ITGA10: variants seen among roughly 807,000 people sequenced by gnomAD.
ITGA10 encodes the protein integrin alpha-10.
A neutral mutation model predicts 145.2 loss-of-function variants in ITGA10; 105 were observed. The ratio of observed to expected loss-of-function variants is 0.72; its 90% CI spans 0.62 to 0.85. ITGA10 has a LOEUF of 0.85. Ranked by LOEUF, ITGA10 falls within the 40% of genes least tolerant of loss-of-function variation. The probability of loss-of-function intolerance (pLI) is 0.00; values close to 1 mark genes in which losing one functional copy is unlikely to be tolerated. For synonymous variants in ITGA10, 506 were observed against 557.8 expected, an observed-to-expected ratio of 0.91 and a Z score of 1.31; for missense variants, 1,317 against 1,444.5, an observed-to-expected ratio of 0.91 and a Z score of 1.43.
chr1:145,900,998 TGGA>T lies in ITGA10; in HGVS notation c.1588-8_1588-6del. 6.2e-7 allele frequency: 1 copy of T among 1,613,964 alleles called. No homozygotes were observed. Among genetic ancestry groups the T allele is most frequent in the Non-Finnish European group, 8.5e-7 (1 of 1,179,976 alleles). The stretch of plus-strand genomic sequence containing the variant: ...TTGGAGGGTCAGCAAGGACTGCTGG[TGGA>T]GGAGAGAAGATAGAAGATGCTAATC... On this transcript the variant is annotated splice_polypyrimidine_tract_variant and splice_region_variant and intron_variant, in intron 13 of 29. Coordinates refer to ENST00000369304, the MANE Select transcript of ITGA10 (RefSeq NM_003637.5).
At position 145,898,977 on chromosome 1, in the gene ITGA10, C is replaced by T; in HGVS notation, c.2191G>A (p.Val731Met). ...RLSPRRLRLS[V>M]GNVTCEQLHF... ...AGCTGCTCACAAGTGACATTCCCCA[C>T]ACTGAGCCGGAGCCTCCGAGGGGAC... Residue 731 changes from valine (V) to methionine (M), a missense_variant, in exon 17 of 30, where the codon GTG (valine) becomes ATG (methionine). Physicochemically the swap from Val to Met is conservative, Grantham distance 21. Transcript: ENST00000369304. The T allele has an allele frequency of 1.9e-6, 3 of 1,614,208 alleles. No individual in the cohort carries two copies. The highest frequency in any genetic ancestry group is 2.5e-6 in the Non-Finnish European group (3 of 1,180,042).
intron 22 of ITGA10, 32 bp downstream of exon 22, chr1:145,896,979 G>C (rs1382682939): frequency 1.3e-6 from 2 of 1,588,320 alleles, no homozygotes; most frequent in Non-Finnish European, 1.7e-6. Flanking sequence ...AGTAGGAGGA[G>C]AGGTCTGGAA....
chr1:145,898,908 T>C, intron 17 of ITGA10, 28 bp downstream of exon 17: 4 of 1,600,978 alleles, frequency 2.5e-6, no homozygotes, highest in Non-Finnish European at 3.4e-6. Flanking sequence ...CAGGCCCTGA[T>C]GCTAAGCAGT....
At chr1:145,907,244 C>T (rs1401450695) in intron 2 of ITGA10, 94 bp from the exon 3 acceptor site, 1 of 1,588,334 alleles carries the variant, frequency 6.3e-7, no homozygotes. Context: ...AAGTTTAGAG[C>T]CCCAGCCACT....
At chr1:145,907,685 T>C (rs1341215582) in intron 1 of ITGA10, 1 of 725,774 alleles carries the variant, frequency 1.4e-6, no homozygotes, top group Admixed American at 6.3e-5. Flanking sequence ...CCCTCTGCCA[T>C]GCTGATGTAC....
chr1:145,903,268 T>G (rs1273582934), intron 7 of ITGA10, among the ~76,000 whole-genome samples: 3 of 152,058 alleles, frequency 2.0e-5, no homozygotes, highest in Non-Finnish European at 4.4e-5. Context: ...GGAGGGGAAA[T>G]ATCGATGAAA....
chr1:145,904,818 G>A lies in ITGA10; in HGVS notation c.482-7C>T, dbSNP rs1553750557. 1 of 1,613,418 alleles carries A rather than the reference G, an allele frequency of 6.2e-7. No homozygotes were observed. Among genetic ancestry groups the A allele is most frequent in the East Asian group, 2.2e-5 (1 of 44,888 alleles). Reference sequence around the variant, plus strand: ...TCCATGTATGTTGGGCAGCCTAGAAGGAAGGAGAACACTGAGGTAGAGGAC... The same window carrying A: ...TCCATGTATGTTGGGCAGCCTAGAAAGAAGGAGAACACTGAGGTAGAGGAC... On this transcript the variant is annotated splice_polypyrimidine_tract_variant and splice_region_variant and intron_variant, in intron 5 of 29. Transcript: ENST00000369304.
chr1:145,894,587 T>C (rs1347714287), intron 27 of ITGA10, among the ~76,000 whole-genome samples: 1 of 152,208 alleles, frequency 6.6e-6, no homozygotes, highest in African/African-American at 2.4e-5. Flanking sequence ...AAGCACAACA[T>C]TGACCTTAGT....
chr1:145,893,601 A>G lies in ITGA10; in HGVS notation c.3263T>C (p.Phe1088Ser), dbSNP rs1553743960. The change falls in exon 28 of 30, where the codon TTT becomes TCT. Residue 1088 changes from phenylalanine to serine, a missense_variant. Coordinates refer to ENST00000369304, the MANE Select transcript of ITGA10 (RefSeq NM_003637.5). ...KFKSLTVVST[F>S]ELGTEEGSVL... ...ACTGCCCTCTTCGGTTCCCAGCTCA[A>G]AGGTGCTGACCACCGTCAGGGACTT... is the stretch of plus-strand genomic sequence containing the variant. 6.2e-7 allele frequency: 1 copy of G among 1,613,430 alleles called. No individual in the cohort carries two copies. The highest frequency in any genetic ancestry group is 2.2e-5 in the East Asian group (1 of 44,872).
chr1:145,898,983 G>A lies in ITGA10; in HGVS notation c.2185C>T (p.Leu729Phe), dbSNP rs1553746544. ...GQRLSPRRLR[L>F]SVGNVTCEQL... ...TCACAAGTGACATTCCCCACACTGA[G>A]CCGGAGCCTCCGAGGGGACAACCTC... The change falls in exon 17 of 30, where the codon CTC becomes TTC. Residue 729 changes from leucine to phenylalanine, a missense_variant. Physicochemically the swap from Leu to Phe is conservative, Grantham distance 22 (BLOSUM62 0). Transcript: ENST00000369304. 3.1e-6 allele frequency: 5 copies of A among 1,614,210 alleles called. No homozygotes were observed. The highest frequency in any genetic ancestry group is 4.2e-6 in the Non-Finnish European group (5 of 1,180,036).
In ITGA10 at chr1:145,896,718, G is replaced by A. The variant is rs782749181; in HGVS notation, c.2834+51C>T. 50 of 1,411,856 alleles carry A rather than the reference G, an allele frequency of 3.5e-5. No individual in the cohort carries two copies. The East Asian group carries it at 1.1e-3, about 32-fold the overall frequency. 87.5% of individuals were successfully genotyped at this position (1,411,856 alleles called of 1,614,324 possible). The stretch of plus-strand genomic sequence containing the variant: ...ATGGAAGGGGAGGGAAGCAGCATAA[G>A]GGTATGAGTCTGAGGTCAGAACTGG... On this transcript the variant is annotated intron_variant, in intron 23 of 29. Transcript: ENST00000369304.
Position 145,902,943 on chromosome 1 carries a change from C to T in ITGA10, c.777G>A (p.Gln259=). The T allele has an allele frequency of 6.2e-7, 1 of 1,606,324 alleles. No homozygotes were observed. The highest frequency in any genetic ancestry group is 8.5e-7 in the Non-Finnish European group (1 of 1,176,692). ...IMVACTEGFS[Q]SHGGRPEAAR... is the part of the protein sequence containing the mutation. ...CAGCCTCGGGTCGGCCCCCATGGGACTGACTGAACCCTTCTGTGCTGAGAA... is the reference window on the plus strand; with the variant it reads ...CAGCCTCGGGTCGGCCCCCATGGGATTGACTGAACCCTTCTGTGCTGAGAA... Residue 259 remains glutamine (Q), a synonymous_variant, in exon 8 of 30, where the codon CAG becomes CAA. Transcript: ENST00000369304.
At chr1:145,896,944 C>G in intron 22 of ITGA10, 67 bp downstream of exon 22, 1 of 1,546,664 alleles carries the variant, frequency 6.5e-7, no homozygotes, top group Non-Finnish European at 8.9e-7. Context: ...AATGTTGTTC[C>G]TCCCCACCCC....
intron 25 of ITGA10, 97 bp downstream of exon 25, chr1:145,895,886 A>G: frequency 9.3e-7 from 1 of 1,074,276 alleles, no homozygotes; most frequent in Non-Finnish European, 1.4e-6. Flanking sequence ...CCCCAAGAGC[A>G]GAGGCCCAAC....
In ITGA10 at chr1:145,899,218, GA is replaced by G; in HGVS notation, c.2045del (p.Phe682SerfsTer3). ...GACCAGGAGTACGGGAGGTCACTTG[GA>G]AGCAAAGGGCTGCAGTCAGACAGAC... ...EAVCLTAALC[F>X]QVTSRTPGRW... On this transcript the variant is annotated frameshift_variant, in exon 16 of 30. Coordinates refer to ENST00000369304, the MANE Select transcript of ITGA10 (RefSeq NM_003637.5). LOFTEE classifies it high-confidence loss of function. 1 of 1,614,238 alleles carries G rather than the reference GA, an allele frequency of 6.2e-7. No individual in the cohort carries two copies. The highest frequency in any genetic ancestry group is 8.5e-7 in the Non-Finnish European group (1 of 1,180,054).
In ITGA10 at chr1:145,902,252, C is replaced by G. The variant is rs782803758; in HGVS notation, c.1143G>C (p.Arg381=). ...AGGGGTCAATCTGTCCAACCTTTAGCCGATGAGTGGAGAAACCAATCTGAG... is the reference window on the plus strand; with the variant it reads ...AGGGGTCAATCTGTCCAACCTTTAGGCGATGAGTGGAGAAACCAATCTGAG... The part of the protein sequence containing the change: ...EMSQIGFSTH[R]LKDGILFGMV... The change falls in exon 10 of 30, where the codon CGG becomes CGC. Residue 381 remains arginine (R), a synonymous_variant. Coordinates refer to ENST00000369304, the MANE Select transcript of ITGA10 (RefSeq NM_003637.5). 4.3e-6 allele frequency: 7 copies of G among 1,614,034 alleles called. No individual in the cohort carries two copies. Among genetic ancestry groups the G allele is most frequent in the Non-Finnish European group, 5.9e-6 (7 of 1,179,948 alleles).
At chr1:145,895,558 T>C in intron 26 of ITGA10, 73 bp downstream of exon 26, 1 of 1,497,438 alleles carries the variant, frequency 6.7e-7, no homozygotes, top group Non-Finnish European at 9.3e-7. Flanking sequence ...CCCACTCCAG[T>C]TCCTACCCTC....
rs1481290084 is a variant in ITGA10 at position 145,892,171 on chromosome 1, G to A, written c.*627C>T. 6.5e-6 allele frequency: 1 copy of A among 152,798 alleles called. No homozygotes were observed. The highest frequency in any genetic ancestry group is 1.5e-5 in the Non-Finnish European group (1 of 68,164). 9.5% of individuals were successfully genotyped at this position (152,798 alleles called of 1,614,324 possible). A position where few individuals can be genotyped will look rare whatever the true frequency, so the allele number is the denominator to read the frequency against. ...AGTGCACTACAGGTCTCAGGTTTCA[G>A]GGGGGATGGCAGTTGCCTGTCTAAA... On this transcript the variant is annotated 3_prime_UTR_variant, in exon 30 of 30. Coordinates refer to ENST00000369304, the MANE Select transcript of ITGA10 (RefSeq NM_003637.5).
Position 145,900,918 on chromosome 1 carries a change from C to G in ITGA10, c.1663G>C (p.Ala555Pro), listed in dbSNP as rs1406985610. The change falls in exon 14 of 30, where the codon GCT becomes CCT. Residue 555 changes from alanine (A) to proline (P), a missense_variant. By Grantham distance (27) the Ala-to-Pro change is conservative. Coordinates refer to ENST00000369304, the MANE Select transcript of ITGA10 (RefSeq NM_003637.5). ...QDARFGFAMG[A>P]LPDLNQDGFA... ...CCATCTTGGTTCAGATCAGGAAGAG[C>G]TCCCATGGCAAAGCCAAACCGAGCA... 2 of 1,614,052 alleles carry G rather than the reference C, an allele frequency of 1.2e-6. No homozygotes were observed. Among genetic ancestry groups the G allele is most frequent in the Non-Finnish European group, 1.7e-6 (2 of 1,180,046 alleles).
Sources: gnomAD v4.1 joint callset for allele counts (sites outside exome capture counted in the v4.1 genomes callset) on GRCh38, gnomAD v4.1.1 for gene constraint, MANE v1.5 for transcripts, NCBI Gene and HGNC (gene_info 2026-07-23, HGNC 2026-07-21) for gene names.